The following CCDC148 variants were observed in gnomAD, a reference collection of about 807,000 sequenced individuals.
CCDC148 encodes coiled-coil domain containing 148, also known as coiled-coil domain-containing protein 148.
A neutral mutation model predicts 85.7 loss-of-function variants in CCDC148; 89 were observed. The observed-to-expected ratio is 1.04, with a 90% CI of 0.87 to 1.24. The LOEUF (loss-of-function observed/expected upper bound fraction) is 1.24, where lower values mean the gene tolerates loss of function less well. Ranked by LOEUF, CCDC148 falls within the 50% of genes most tolerant of loss-of-function variation. The pLI is 0.00. For missense variants in CCDC148, 692 were observed against 671.7 expected, an observed-to-expected ratio of 1.03 and a Z score of -0.33; for synonymous variants, 230 against 213.9, an observed-to-expected ratio of 1.08 and a Z score of -0.66.
intron 1 of CCDC148, among the ~76,000 whole-genome samples, chr2:158,438,357 A>G (rs1431776193): frequency 1.3e-5 from 2 of 152,210 alleles, no homozygotes; most frequent in African/African-American, 4.8e-5. Context: ...CAAACCTGAC[A>G]AAAACAAGAA....
chr2:158,210,787 CA>C (rs34273946), intron 11 of CCDC148, among the ~76,000 whole-genome samples: 32,665 of 89,392 alleles, frequency 0.37, 5,162 homozygotes, highest in South Asian at 0.6. Context: ...ACTAAAAATA[CA>C]AAAAAAAAAA....
intron 10 of CCDC148, among the ~76,000 whole-genome samples, chr2:158,226,562 T>C (rs1486514146): frequency 6.6e-6 from 1 of 152,104 alleles, no homozygotes; most frequent in East Asian, 1.9e-4. Flanking sequence ...ATCAATAAAA[T>C]ACTGGCAAAC....
chr2:158,183,495 G>A (rs918021001), intron 11 of CCDC148, among the ~76,000 whole-genome samples: 3 of 152,080 alleles, frequency 2.0e-5, no homozygotes, highest in Admixed American at 2.0e-4. Context: ...CTCAAAAGAA[G>A]CTACAGCCAC....
chr2:158,342,026 C>CTTTTTTTTTTTTT (rs1159799812), intron 3 of CCDC148, among the ~76,000 whole-genome samples: 16 of 62,636 alleles, frequency 2.6e-4, no homozygotes, highest in Non-Finnish European at 3.7e-4. Flanking sequence ...ATTTTCTTTT[C>CTTTTTTTTTTTTT]TTTTTTTTTT....
chr2:158,426,128 ATAGTT>A (rs1687068117), intron 1 of CCDC148, among the ~76,000 whole-genome samples: 1 of 118,614 alleles, frequency 8.4e-6, no homozygotes, highest in Non-Finnish European at 2.1e-5. Context: ...GGTAGGAACT[ATAGTT>A]TAAAGTAGTG....
At chr2:158,226,120 G>T (rs533516793) in intron 10 of CCDC148, among the ~76,000 whole-genome samples, 1 of 152,102 alleles carries the variant, frequency 6.6e-6, no homozygotes. Flanking sequence ...TGATAAAGGG[G>T]ATATCACCAC....
intron 8 of CCDC148, among the ~76,000 whole-genome samples, chr2:158,312,446 G>A (rs1692067913): frequency 6.6e-6 from 1 of 151,900 alleles, no homozygotes. Flanking sequence ...GCTGGGCGTG[G>A]TAGCCTGCAC....
chr2:158,274,672 C>A (rs914423110), intron 9 of CCDC148, among the ~76,000 whole-genome samples: 1 of 152,120 alleles, frequency 6.6e-6, no homozygotes, highest in African/African-American at 2.4e-5. Context: ...AAAAAGGGAG[C>A]ATTGGGTCTA....
At chr2:158,434,621 T>C (rs1172666737) in intron 1 of CCDC148, among the ~76,000 whole-genome samples, 1 of 152,132 alleles carries the variant, frequency 6.6e-6, no homozygotes, top group African/African-American at 2.4e-5. Context: ...GGACGGAGAA[T>C]GAATTTGACG....
chr2:158,282,153 A>C (rs1400022901), intron 9 of CCDC148, among the ~76,000 whole-genome samples: 2 of 151,906 alleles, frequency 1.3e-5, no homozygotes, highest in Non-Finnish European at 2.9e-5. Context: ...TATCTATGAC[A>C]AACCCACAGT....
intron 1 of CCDC148, among the ~76,000 whole-genome samples, chr2:158,443,584 G>C (rs1014975902): frequency 6.6e-6 from 1 of 151,492 alleles, no homozygotes; most frequent in Admixed American, 6.6e-5. Flanking sequence ...CTGGAAAACT[G>C]AAAACCAACA....
chr2:158,211,817 G>A (rs1382974014), intron 11 of CCDC148, among the ~76,000 whole-genome samples: 2 of 152,194 alleles, frequency 1.3e-5, no homozygotes, highest in African/African-American at 4.8e-5. Context: ...GCATAAGCTT[G>A]CTTGTTCATT....
intron 10 of CCDC148, among the ~76,000 whole-genome samples, chr2:158,230,941 A>G (rs1687826554): frequency 6.6e-6 from 1 of 152,154 alleles, no homozygotes; most frequent in African/African-American, 2.4e-5. Context: ...TTGAAAGGTG[A>G]TACTAGTAAC....
intron 1 of CCDC148, among the ~76,000 whole-genome samples, chr2:158,447,661 A>T (rs910317912): frequency 6.6e-6 from 1 of 152,132 alleles, no homozygotes; most frequent in African/African-American, 2.4e-5. Flanking sequence ...AATATGTTGA[A>T]CATCTTTTCA....
At chr2:158,386,894 A>C (rs900487350) in intron 1 of CCDC148, among the ~76,000 whole-genome samples, 35 of 152,014 alleles carry the variant, frequency 2.3e-4, no homozygotes, top group Non-Finnish European at 2.8e-4. Context: ...TAGCTCCAAC[A>C]ATCTGCCCTA....
intron 1 of CCDC148, among the ~76,000 whole-genome samples, chr2:158,381,784 C>A (rs150116308): frequency 8.3e-4 from 127 of 152,188 alleles, no homozygotes; most frequent in African/African-American, 3.0e-3. Context: ...TCTCAGAAAG[C>A]TGAAGTGGGA....
At chr2:158,335,218 T>C (rs1276265451) in intron 7 of CCDC148, among the ~76,000 whole-genome samples, 1 of 152,138 alleles carries the variant, frequency 6.6e-6, no homozygotes. Flanking sequence ...GCCATGTGCT[T>C]TCTTGGTAAC....
At chr2:158,223,162 G>A (rs1398816289) in intron 10 of CCDC148, among the ~76,000 whole-genome samples, 2 of 152,208 alleles carry the variant, frequency 1.3e-5, no homozygotes, top group Non-Finnish European at 2.9e-5. Context: ...GGCACACCAG[G>A]AGATCATATC....
intron 1 of CCDC148, among the ~76,000 whole-genome samples, chr2:158,427,141 A>G (rs1300872931): frequency 6.6e-6 from 1 of 152,244 alleles, no homozygotes; most frequent in Non-Finnish European, 1.5e-5. Flanking sequence ...TATAATTTCA[A>G]TAAAATATAA....
Sources: gnomAD v4.1 joint callset for allele counts (sites outside exome capture counted in the v4.1 genomes callset) on GRCh38, gnomAD v4.1.1 for gene constraint, MANE v1.5 for transcripts, NCBI Gene and HGNC (gene_info 2026-07-23, HGNC 2026-07-21) for gene names.